Variants in LAPTM4A observed in about 807,000 individuals in gnomAD.
The protein encoded by LAPTM4A is lysosomal-associated transmembrane protein 4A.
Under a neutral mutation model 29.9 loss-of-function variants are expected in LAPTM4A, and 19 were observed. The observed-to-expected ratio is 0.64, with a 90% CI of 0.44 to 0.93. The LOEUF (loss-of-function observed/expected upper bound fraction) is 0.93. Among genes scored for constraint, LAPTM4A ranks in the 40% least tolerant of loss-of-function variants. The pLI is 0.00. For synonymous variants in LAPTM4A, 105 were observed against 102.1 expected, an observed-to-expected ratio of 1.03 and a Z score of -0.17; for missense variants, 293 against 288.5, an observed-to-expected ratio of 1.02 and a Z score of -0.11.
chr2:20,043,131 G>A (rs530354065), intron 1 of LAPTM4A, among the ~76,000 whole-genome samples: 4 of 149,420 alleles, frequency 2.7e-5, no homozygotes, highest in East Asian at 3.9e-4. Context: ...GGAGTGCAGT[G>A]GCGCAATCTC....
intron 6 of LAPTM4A, among the ~76,000 whole-genome samples, chr2:20,033,493 G>T (rs1277172306): frequency 6.6e-6 from 1 of 151,898 alleles, no homozygotes; most frequent in Non-Finnish European, 1.5e-5. Flanking sequence ...AGAGAGGGAG[G>T]TGGGGAGAGA....
intron 1 of LAPTM4A, among the ~76,000 whole-genome samples, chr2:20,051,047 G>A (rs1674054342): frequency 1.3e-5 from 2 of 152,182 alleles, no homozygotes; most frequent in South Asian, 2.1e-4. Flanking sequence ...GAAGGGAGAT[G>A]CTGCCTTTCA....
chr2:20,041,468 A>G (rs991747434), intron 1 of LAPTM4A, among the ~76,000 whole-genome samples: 3 of 152,174 alleles, frequency 2.0e-5, no homozygotes. Context: ...TCAAATGCTT[A>G]AGAGACTTAC....
chr2:20,046,128 G>A (rs1422531604), intron 1 of LAPTM4A, among the ~76,000 whole-genome samples: 2 of 152,158 alleles, frequency 1.3e-5, no homozygotes, highest in Non-Finnish European at 2.9e-5. Flanking sequence ...TCACTCATAG[G>A]TGGGAACTGA....
chr2:20,048,439 A>C (rs1279686509), intron 1 of LAPTM4A, among the ~76,000 whole-genome samples: 2 of 152,208 alleles, frequency 1.3e-5, no homozygotes, highest in African/African-American at 4.8e-5. Flanking sequence ...GGTGCATATA[A>C]TAACTGGTTC....
At chr2:20,045,562 T>C (rs1466351324) in intron 1 of LAPTM4A, among the ~76,000 whole-genome samples, 6 of 152,220 alleles carry the variant, frequency 3.9e-5, no homozygotes, top group African/African-American at 1.4e-4. Flanking sequence ...GGCTGCGGAT[T>C]CACCACTCAA....
At chr2:20,041,090 A>C (rs1243679969) in intron 1 of LAPTM4A, 79 bp from the exon 2 acceptor site, 56 of 1,377,936 alleles carry the variant, frequency 4.1e-5, no homozygotes, top group Admixed American at 5.5e-5. Flanking sequence ...ATGTCCTCTC[A>C]TATTTAAGAT....
chr2:20,033,055 A>G lies in LAPTM4A; in HGVS notation c.*150T>C. The G allele has an allele frequency of 1.5e-6, 1 of 662,866 alleles. No individual in the cohort carries two copies. 41.1% of individuals were successfully genotyped at this position (662,866 alleles called of 1,614,324 possible). On this transcript the variant is annotated 3_prime_UTR_variant, in exon 7 of 7. Coordinates refer to ENST00000175091, the MANE Select transcript of LAPTM4A (RefSeq NM_014713.5). ...AACAAAAAGACGTTTAACAGATGTC[A>G]AAAAGCTCCTTAGTGTTTGAAAATA... is the stretch of plus-strand genomic sequence containing the variant.
chr2:20,047,079 T>A (rs1478640496), intron 1 of LAPTM4A, among the ~76,000 whole-genome samples: 2 of 151,076 alleles, frequency 1.3e-5, no homozygotes, highest in African/African-American at 4.9e-5. Flanking sequence ...GAAAAACAGA[T>A]CCCCCTGGCT....
At chr2:20,044,768 G>A (rs996006297) in intron 1 of LAPTM4A, among the ~76,000 whole-genome samples, 1 of 152,216 alleles carries the variant, frequency 6.6e-6, no homozygotes, top group African/African-American at 2.4e-5. Context: ...AAGAAACAGT[G>A]AAATAAATTT....
intron 2 of LAPTM4A, among the ~76,000 whole-genome samples, chr2:20,039,498 A>T (rs2103497057): frequency 6.6e-6 from 1 of 152,304 alleles, no homozygotes; most frequent in South Asian, 2.1e-4. Flanking sequence ...TCATGCCTGT[A>T]ATCTCAGCAC....
In LAPTM4A at chr2:20,050,800, C is replaced by T. The variant is rs147533246; in HGVS notation, c.111+610G>A. Among the ~76,000 whole-genome samples, 78 of 152,296 alleles carry T rather than the reference C, an allele frequency of 5.1e-4. 1 individual carries two copies. The highest frequency in any genetic ancestry group is 1.7e-3 in the African/African-American group (69 of 41,558). Reference sequence around the variant, plus strand: ...CTACTGCGCAGGGAGGAGGCTGCACCAGGACAAAAGCTGGTCAGGCGTCAA... The same window carrying T: ...CTACTGCGCAGGGAGGAGGCTGCACTAGGACAAAAGCTGGTCAGGCGTCAA... On this transcript the variant is annotated intron_variant, in intron 1 of 6. Transcript: ENST00000175091.
In LAPTM4A at chr2:20,051,429, A is replaced by G; in HGVS notation, c.92T>C (p.Ile31Thr). The part of the protein sequence containing the change: ...GCCHVRTGTI[I>T]LGTWYMVVNL... ...CCTTACCATGTACCAGGTCCCCAGGATGATCGTCCCGGTGCGGACATGGCA... is the reference window on the plus strand; with the variant it reads ...CCTTACCATGTACCAGGTCCCCAGGGTGATCGTCCCGGTGCGGACATGGCA... The change falls in exon 1 of 7, where the codon ATC becomes ACC. Residue 31 changes from isoleucine (I) to threonine (T), a missense_variant. Ile to Thr is a moderately conservative substitution (Grantham distance 89). Coordinates refer to ENST00000175091, the MANE Select transcript of LAPTM4A (RefSeq NM_014713.5). 2 of 1,611,822 alleles carry G rather than the reference A, an allele frequency of 1.2e-6. No homozygotes were observed. The highest frequency in any genetic ancestry group is 1.7e-6 in the Non-Finnish European group (2 of 1,178,598).
rs371637155 is a variant in LAPTM4A, at chr2:20,051,534, C to A, written c.-14G>T. The A allele has an allele frequency of 7.8e-6, 12 of 1,542,404 alleles. No individual in the cohort carries two copies. Among genetic ancestry groups the A allele is most frequent in the Non-Finnish European group, 1.1e-5 (12 of 1,128,860 alleles). ...CATGGACACCATCGTAACAGGCGGG[C>A]CTCCTTCTTGGCCGGGCCCCTGACA... On this transcript the variant is annotated 5_prime_UTR_variant, in exon 1 of 7. Coordinates refer to ENST00000175091, the MANE Select transcript of LAPTM4A (RefSeq NM_014713.5).
intron 1 of LAPTM4A, among the ~76,000 whole-genome samples, chr2:20,051,146 C>T (rs994607497): frequency 3.2e-4 from 48 of 152,328 alleles, no homozygotes; most frequent in African/African-American, 1.1e-3. Flanking sequence ...CCTCTGCTCT[C>T]CCAAGCCCGC....
chr2:20,035,157 G>T, intron 4 of LAPTM4A, 95 bp from the exon 5 acceptor site: 1 of 778,698 alleles, frequency 1.3e-6, no homozygotes, highest in South Asian at 1.6e-5. Context: ...AGGCACCAAA[G>T]TCAAAAGTGA....
chr2:20,040,722 G>C (rs1372573609), intron 2 of LAPTM4A, among the ~76,000 whole-genome samples, 169 bp downstream of exon 2: 3 of 152,170 alleles, frequency 2.0e-5, no homozygotes, highest in African/African-American at 7.2e-5. Context: ...CATCGCCTAG[G>C]TGTATAGTAG....
chr2:20,034,347 A>G lies in LAPTM4A; in HGVS notation c.597T>C (p.Ala199=), dbSNP rs149501443. Residue 199 remains alanine, a synonymous_variant, in exon 6 of 7, where the codon GCT becomes GCC. Transcript: ENST00000175091. ...GAGGTGCTTCAAAGGCAGGGTACAC[A>G]GCAATCTCCGGCACGTTTCGGTTGT... The part of the protein sequence containing the change: ...YINNRNVPEI[A]VYPAFEAPPQ... The G allele has an allele frequency of 6.8e-6, 11 of 1,614,020 alleles. No individual in the cohort carries two copies. In the African/African-American group the frequency reaches 1.5e-4, roughly 22 times the overall value.
chr2:20,040,814 C>T (rs1673779930), intron 2 of LAPTM4A, 77 bp downstream of exon 2: 1 of 1,285,464 alleles, frequency 7.8e-7, no homozygotes, highest in Non-Finnish European at 1.1e-6. Flanking sequence ...CAGAATGTGT[C>T]CCCATCATTA....
Sources: gnomAD v4.1 joint callset for allele counts (sites outside exome capture counted in the v4.1 genomes callset) on GRCh38, gnomAD v4.1.1 for gene constraint, MANE v1.5 for transcripts, NCBI Gene and HGNC (gene_info 2026-07-23, HGNC 2026-07-21) for gene names.